MAGI3: variants seen among roughly 807,000 people sequenced by gnomAD.
MAGI3 encodes membrane associated guanylate kinase, WW and PDZ domain containing 3, also known as membrane-associated guanylate kinase, WW and PDZ domain-containing protein 3.
In MAGI3, 43 loss-of-function variants were observed where a neutral mutation model predicts 121.8. The observed-to-expected ratio is 0.35, with a 90% confidence interval of 0.28 to 0.46. MAGI3 has a LOEUF of 0.46. MAGI3 is among the 20% of genes least tolerant of loss of function. The pLI, the probability that MAGI3 is intolerant of heterozygous loss-of-function variation, is 1.00. For missense variants in MAGI3, 1,547 were observed against 1,797.3 expected (o/e 0.86, Z 2.52); for synonymous variants, 553 against 639.3 (o/e 0.86, Z 2.04).
rs1650752165 is a variant in MAGI3 at position 113,390,943 on chromosome 1, G to C, written c.-91G>C. On this transcript the variant is annotated 5_prime_UTR_variant, in exon 1 of 21. Transcript: ENST00000307546. ...CGAGGCCCCCCTTACCGGGCTGCGC[G>C]GGCCGCCCAGGGCCCCCGGGCTGAG... 8.9e-7 allele frequency: 1 copy of C among 1,125,840 alleles called. No individual in the cohort carries two copies. The highest frequency in any genetic ancestry group is 1.1e-6 in the Non-Finnish European group (1 of 875,454). 69.7% of individuals were successfully genotyped at this position (1,125,840 alleles called of 1,614,324 possible).
intron 1 of MAGI3, among the ~76,000 whole-genome samples, chr1:113,522,470 C>CT (rs1243788688): frequency 1.3e-5 from 2 of 152,140 alleles, no homozygotes; most frequent in Non-Finnish European, 2.9e-5. Flanking sequence ...AGACGCTGTG[C>CT]TTTTTTACCA....
intron 6 of MAGI3, 101 bp downstream of exon 6, chr1:113,594,661 A>G: frequency 1.1e-6 from 1 of 886,066 alleles, no homozygotes; most frequent in Non-Finnish European, 1.7e-6. Context: ...ACAAACCATA[A>G]TGTACACAAG....
chr1:113,519,318 G>A (rs1658070966), intron 1 of MAGI3, among the ~76,000 whole-genome samples: 1 of 152,138 alleles, frequency 6.6e-6, no homozygotes. Flanking sequence ...CTTGCCCCAT[G>A]AGGGAAGTCT....
At chr1:113,445,280 C>T (rs1654120053) in intron 1 of MAGI3, among the ~76,000 whole-genome samples, 1 of 151,964 alleles carries the variant, frequency 6.6e-6, no homozygotes, top group Non-Finnish European at 1.5e-5. Flanking sequence ...TAGTGTGAAC[C>T]CAAAGAGACC....
chr1:113,482,359 GC>G (rs931303689), intron 1 of MAGI3, among the ~76,000 whole-genome samples: 5 of 151,648 alleles, frequency 3.3e-5, no homozygotes, highest in African/African-American at 7.3e-5. Context: ...AGTTTGTTCA[GC>G]CTATTTTTTT....
At chr1:113,522,682 A>G (rs1406111251) in intron 1 of MAGI3, among the ~76,000 whole-genome samples, 1 of 152,228 alleles carries the variant, frequency 6.6e-6, no homozygotes, top group Non-Finnish European at 1.5e-5. Context: ...TTAAAAATTC[A>G]AACCTTCAAA....
chr1:113,503,696 A>G (rs1418020954), intron 1 of MAGI3, among the ~76,000 whole-genome samples: 1 of 152,120 alleles, frequency 6.6e-6, no homozygotes, highest in East Asian at 1.9e-4. Context: ...AATAATCTTC[A>G]GATACTAAGA....
In MAGI3 at chr1:113,653,817, A is replaced by G. The variant is rs1653314635; in HGVS notation, c.2441-13A>G. 2 of 1,579,634 alleles carry G rather than the reference A, an allele frequency of 1.3e-6. No homozygotes were observed. The highest frequency in any genetic ancestry group is 2.3e-5 in the East Asian group (1 of 44,220). On this transcript the variant is annotated splice_polypyrimidine_tract_variant and intron_variant, in intron 14 of 20. Transcript: ENST00000307546. ...TGTTCCAGACATATCAAAACTGATC[A>G]TGTTTATTACAGAAAAACAACCCGA...
intron 6 of MAGI3, among the ~76,000 whole-genome samples, chr1:113,600,009 A>C (rs1386230131): frequency 1.2e-4 from 18 of 152,240 alleles, no homozygotes; most frequent in East Asian, 9.6e-4. Context: ...AGGCCTTTGA[A>C]AAAATTCAAC....
chr1:113,628,693 T>C (rs1024721237), intron 9 of MAGI3, among the ~76,000 whole-genome samples: 1 of 152,194 alleles, frequency 6.6e-6, no homozygotes, highest in Non-Finnish European at 1.5e-5. Context: ...TACACTATTA[T>C]AGAGTAAAAG....
intron 2 of MAGI3, among the ~76,000 whole-genome samples, chr1:113,552,032 A>C (rs908596983): frequency 2.6e-5 from 4 of 152,038 alleles, no homozygotes; most frequent in Non-Finnish European, 4.4e-5. Flanking sequence ...AATGTATCCC[A>C]CACTTTGCTG....
intron 1 of MAGI3, among the ~76,000 whole-genome samples, chr1:113,447,644 A>G (rs773670309): frequency 1.3e-5 from 2 of 152,218 alleles, no homozygotes; most frequent in Non-Finnish European, 2.9e-5. Context: ...ACCTGAGGTC[A>G]GGAGTTGGAG....
At chr1:113,592,754 T>A (rs1648761583) in intron 5 of MAGI3, among the ~76,000 whole-genome samples, 2 of 152,172 alleles carry the variant, frequency 1.3e-5, no homozygotes, top group Admixed American at 1.3e-4. Flanking sequence ...GGCTCACGCC[T>A]GTAATCCCAG....
chr1:113,641,170 C>CTA (rs1184512811), intron 9 of MAGI3, among the ~76,000 whole-genome samples: 3 of 135,366 alleles, frequency 2.2e-5, no homozygotes, highest in Non-Finnish European at 4.7e-5. Flanking sequence ...ATATATAAAT[C>CTA]TATATATATA....
At chr1:113,431,999 A>G (rs549589596) in intron 1 of MAGI3, among the ~76,000 whole-genome samples, 15 of 152,314 alleles carry the variant, frequency 9.8e-5, no homozygotes, top group African/African-American at 3.4e-4. Flanking sequence ...TCACAGAGAT[A>G]GATAAATAGA....
intron 16 of MAGI3, among the ~76,000 whole-genome samples, chr1:113,671,222 A>T (rs184608849): frequency 2.0e-5 from 3 of 152,212 alleles, no homozygotes; most frequent in Non-Finnish European, 4.4e-5. Flanking sequence ...TCAGGATTCT[A>T]TAAGTTTGTC....
In MAGI3 at chr1:113,646,522, G is replaced by T. The variant is rs766744419; in HGVS notation, c.2035G>T (p.Ala679Ser). 5.6e-6 allele frequency: 9 copies of T among 1,609,578 alleles called. No homozygotes were observed. The highest frequency in any genetic ancestry group is 7.6e-6 in the Non-Finnish European group (9 of 1,177,956). Residue 679 changes from alanine to serine, a missense_variant, in exon 12 of 21, where the codon GCC becomes TCC. By Grantham distance (99) the Ala-to-Ser change is moderately conservative. Transcript: ENST00000307546. ...AAAGGAAAATGCAGGAAGTTTGGAG[G>T]CCATAAATGAGCCTATTCCTCAGCC... ...DKKENAGSLEAINEPIPQPMP... is the reference protein window; with the variant it reads ...DKKENAGSLESINEPIPQPMP...
chr1:113,585,029 G>A (rs373600979), intron 3 of MAGI3, among the ~76,000 whole-genome samples: 15 of 138,856 alleles, frequency 1.1e-4, no homozygotes, highest in Admixed American at 2.4e-4. Flanking sequence ...GTGTAGTGGC[G>A]CAATCTCAGC....
intron 12 of MAGI3, 60 bp from the exon 13 acceptor site, chr1:113,649,177 T>C: frequency 8.3e-6 from 11 of 1,330,626 alleles, no homozygotes; most frequent in Non-Finnish European, 1.1e-5. Flanking sequence ...TACTGAACTT[T>C]GTTTTGTTTT....
Sources: allele counts gnomAD v4.1 joint callset (sites outside exome capture counted in the v4.1 genomes callset), GRCh38; gene constraint gnomAD v4.1.1; transcripts MANE v1.5; gene names NCBI Gene and HGNC (gene_info 2026-07-23, HGNC 2026-07-21).